Variants in COL4A5 observed in about 807,000 individuals in gnomAD.
The protein encoded by COL4A5 is collagen type IV alpha 5 chain.
In COL4A5, 26 loss-of-function variants were observed where a neutral mutation model predicts 130.2. The ratio of observed to expected loss-of-function variants is 0.20; its 90% CI spans 0.15 to 0.28. The LOEUF (loss-of-function observed/expected upper bound fraction) is 0.28, where lower values mean the gene tolerates loss of function less well. COL4A5 is among the 10% of genes least tolerant of loss of function. COL4A5 has a pLI of 1.00. For synonymous variants in COL4A5, 496 were observed against 439.6 expected (o/e 1.13, Z -1.60); for missense variants, 1,131 against 1,344.3 (o/e 0.84, Z 2.48).
At chrX:108,491,003 A>G (rs60994321) in intron 1 of COL4A5, among the ~76,000 whole-genome samples, 11,659 of 111,822 alleles carry the variant, frequency 0.1, 1,299 homozygotes, top group African/African-American at 0.34. Flanking sequence ...ATGGCTGCAT[A>G]ATATTACATG....
rs867122945 is a variant in COL4A5, at chrX:108,661,857, A to G, written c.3374-3650A>G. On this transcript the variant is annotated intron_variant, in intron 37 of 52. Transcript: ENST00000328300. The stretch of plus-strand genomic sequence containing the variant: ...CCCTTGGACTTGGCATACGGGCTTT[A>G]TTGTTAATGTGTGGGTTTTCTGGGG... Among the ~76,000 whole-genome samples, 33 of 110,917 alleles carry G rather than the reference A, an allele frequency of 3.0e-4. No homozygotes were observed. In the Middle Eastern group the frequency reaches 0.023, roughly 78 times the overall value.
intron 1 of COL4A5, among the ~76,000 whole-genome samples, chrX:108,460,292 A>C (rs1382351412): frequency 1.8e-5 from 2 of 111,861 alleles, no homozygotes; most frequent in African/African-American, 6.5e-5. Context: ...TGATTTAAAA[A>C]ATTAAGCTAT....
chrX:108,673,341 A>G (rs1440653103), intron 42 of COL4A5, among the ~76,000 whole-genome samples: 1 of 112,012 alleles, frequency 8.9e-6, no homozygotes, highest in East Asian at 2.8e-4. Flanking sequence ...TCCAACTCCT[A>G]GGATTCATTG....
At chrX:108,521,651 T>G (rs1451088708) in intron 1 of COL4A5, among the ~76,000 whole-genome samples, 1 of 111,191 alleles carries the variant, frequency 9.0e-6, no homozygotes, top group Non-Finnish European at 1.9e-5. Flanking sequence ...AGTTGTTGTC[T>G]CTGATTAAGA....
chrX:108,473,633 A>ATATTTTT, intron 1 of COL4A5, among the ~76,000 whole-genome samples: 90 of 34,566 alleles, frequency 2.6e-3, no homozygotes, highest in African/African-American at 9.2e-3. Context: ...ATATATATAT[A>ATATTTTT]TTTTTTTTTT....
chrX:108,670,436 C>T (rs2068178712), intron 42 of COL4A5, 200 bp downstream of exon 42: 1 of 297,883 alleles, frequency 3.4e-6, no homozygotes, highest in Admixed American at 9.3e-5. Context: ...AATTACCTAA[C>T]TAGGAAAACT....
chrX:108,686,436 T>A lies in COL4A5; in HGVS notation c.4315+307T>A, dbSNP rs768151088. ...GTTGATTTAAATCCCTTGACCATAT[T>A]GAAACTATTGTGAATATTTCCACAT... On this transcript the variant is annotated intron_variant, in intron 48 of 52. Transcript: ENST00000328300. Among the ~76,000 whole-genome samples the A allele has an allele frequency of 2.8e-4, 32 of 112,607 alleles. No individual in the cohort carries two copies. In the East Asian group the frequency reaches 8.9e-3, roughly 31 times the overall value.
chrX:108,454,513 G>A lies in COL4A5; in HGVS notation c.81+14307G>A, dbSNP rs1281570741. On this transcript the variant is annotated intron_variant, in intron 1 of 52. Coordinates refer to ENST00000328300, the MANE Select transcript of COL4A5 (RefSeq NM_033380.3). ...GCTGGTCTCAAACTCCTGACCTCAG[G>A]TGATCCACCCTCCTCGGCCTCCCAA... is the stretch of plus-strand genomic sequence containing the variant. Among the ~76,000 whole-genome samples the A allele has an allele frequency of 2.7e-5, 3 of 111,406 alleles. No homozygotes were observed. The East Asian group carries it at 8.5e-4, about 31-fold the overall frequency.
chrX:108,511,064 A>G (rs191257769), intron 1 of COL4A5, among the ~76,000 whole-genome samples: 1 of 111,645 alleles, frequency 9.0e-6, no homozygotes, highest in East Asian at 2.8e-4. Context: ...GAATAGTACA[A>G]TGAACCCTTG....
chrX:108,619,459 A>G (rs2066995636), intron 30 of COL4A5, among the ~76,000 whole-genome samples: 1 of 111,628 alleles, frequency 9.0e-6, no homozygotes, highest in Non-Finnish European at 1.9e-5. Flanking sequence ...GAAGTTACAT[A>G]GTATTTTTAG....
At chrX:108,549,709 T>C (rs1011815434) in intron 2 of COL4A5, among the ~76,000 whole-genome samples, 1 of 109,154 alleles carries the variant, frequency 9.2e-6, no homozygotes, top group African/African-American at 3.3e-5. Context: ...TTTAAGAGAA[T>C]GAAGGAAATA....
intron 29 of COL4A5, among the ~76,000 whole-genome samples, chrX:108,610,967 A>G (rs1055247575): frequency 4.5e-5 from 5 of 111,481 alleles, no homozygotes; most frequent in Admixed American, 9.6e-5. Flanking sequence ...TAGCATCACC[A>G]TGAAAGTGAT....
chrX:108,587,649 T>C (rs191234505), intron 19 of COL4A5, among the ~76,000 whole-genome samples: 14 of 111,607 alleles, frequency 1.3e-4, no homozygotes, highest in African/African-American at 3.6e-4. Flanking sequence ...CGTGAGATTG[T>C]TGGAACATAT....
chrX:108,661,994 A>T (rs954222284), intron 37 of COL4A5, among the ~76,000 whole-genome samples: 1 of 108,588 alleles, frequency 9.2e-6, no homozygotes, highest in Non-Finnish European at 1.9e-5. Context: ...ACATATGTAT[A>T]CATGTGCCAT....
intron 1 of COL4A5, among the ~76,000 whole-genome samples, chrX:108,525,120 C>G (rs1480031970): frequency 9.0e-6 from 1 of 111,316 alleles, no homozygotes; most frequent in African/African-American, 3.3e-5. Flanking sequence ...TTTGAATTGT[C>G]TATTTCTTAC....
intron 44 of COL4A5, among the ~76,000 whole-genome samples, chrX:108,678,934 A>C (rs951700614): frequency 9.0e-6 from 1 of 110,937 alleles, no homozygotes; most frequent in African/African-American, 3.3e-5. Flanking sequence ...TCTTTTTTTC[A>C]TGACCTCGAC....
intron 26 of COL4A5, among the ~76,000 whole-genome samples, 197 bp from the exon 27 acceptor site, chrX:108,601,688 G>A (rs1217012694): frequency 1.8e-5 from 2 of 109,742 alleles, no homozygotes; most frequent in African/African-American, 3.3e-5. Flanking sequence ...CCACCACCAC[G>A]CCCAGTTAAT....
At chrX:108,544,691 C>T (rs371746125) in intron 2 of COL4A5, among the ~76,000 whole-genome samples, 1 of 110,908 alleles carries the variant, frequency 9.0e-6, no homozygotes, top group Non-Finnish European at 1.9e-5. Flanking sequence ...ATGGTAGCAG[C>T]TCCTCCTTGT....
chrX:108,623,023 A>G (rs2067086970), intron 33 of COL4A5, among the ~76,000 whole-genome samples, 198 bp downstream of exon 33: 1 of 112,293 alleles, frequency 8.9e-6, no homozygotes, highest in Admixed American at 9.4e-5. Context: ...TTTTCTTTAT[A>G]GTTTACCTAT....
Sources: allele counts gnomAD v4.1 joint callset (sites outside exome capture counted in the v4.1 genomes callset), GRCh38; gene constraint gnomAD v4.1.1; transcripts MANE v1.5; gene names NCBI Gene and HGNC (gene_info 2026-07-23, HGNC 2026-07-21).